The following HERC2 variants were observed in gnomAD, a reference collection of about 807,000 sequenced individuals.
HERC2 encodes HECT and RLD domain containing E3 ubiquitin protein ligase 2.
Under a neutral mutation model 537.7 loss-of-function variants are expected in HERC2, and 102 were observed. The ratio of observed to expected loss-of-function variants is 0.19; its 90% CI spans 0.16 to 0.22. The LOEUF (loss-of-function observed/expected upper bound fraction) is 0.22, where lower values mean the gene tolerates loss of function less well. HERC2 is among the 10% of genes least tolerant of loss of function. HERC2 has a pLI of 1.00. For synonymous variants in HERC2, 2,224 were observed against 2,466.2 expected (o/e 0.90, Z 2.91); for missense variants, 4,236 against 6,198.2 (o/e 0.68, Z 10.63).
At position 28,237,063 on chromosome 15, in the gene HERC2, A is replaced by T. The variant is rs145512084; in HGVS notation, c.3903T>A (p.Pro1301=). 4.6e-4 allele frequency: 735 copies of T among 1,598,384 alleles called. 6 individuals carry two copies. The East Asian group carries it at 0.011, about 23-fold the overall frequency. Residue 1301 remains proline (P), a synonymous_variant, in exon 26 of 93, where the codon CCT becomes CCA. Transcript: ENST00000261609. ...CCAGATTCCTCTCTGTGTCTATCAG[A>T]GGTGAAGAGAGACTCCCCAGATCTG... The part of the protein sequence containing the change: ...TIPDLGSLSS[P]LIDTERNLGL...
intron 9 of HERC2, among the ~76,000 whole-genome samples, chr15:28,271,541 C>A (rs1441953446): frequency 6.6e-6 from 1 of 151,878 alleles, no homozygotes; most frequent in Non-Finnish European, 1.5e-5. Flanking sequence ...TGGTGGTGGG[C>A]GCCTGTAGTC....
In HERC2 at chr15:28,198,516, A is replaced by G; in HGVS notation, c.7886-13T>C. 2.5e-6 allele frequency: 4 copies of G among 1,612,690 alleles called. No homozygotes were observed. Among genetic ancestry groups the G allele is most frequent in the Non-Finnish European group, 3.4e-6 (4 of 1,179,722 alleles). On this transcript the variant is annotated splice_polypyrimidine_tract_variant and intron_variant, in intron 49 of 92. Coordinates refer to ENST00000261609, the MANE Select transcript of HERC2 (RefSeq NM_004667.6). ...GGTGGAGGATAGCCTACAGATGTCA[A>G]TAACAAATCATTATAATCAATATTC...
At chr15:28,213,195 A>G (rs1408822972) in intron 42 of HERC2, among the ~76,000 whole-genome samples, 1 of 119,824 alleles carries the variant, frequency 8.3e-6, no homozygotes, top group African/African-American at 3.4e-5. Context: ...CCTGGGTGAC[A>G]AGAGCAAGAC....
At chr15:28,306,384 A>C (rs2141245789) in intron 2 of HERC2, among the ~76,000 whole-genome samples, 1 of 152,304 alleles carries the variant, frequency 6.6e-6, no homozygotes, top group Non-Finnish European at 1.5e-5. Flanking sequence ...ATTGATTTGG[A>C]TACGGTGAAC....
intron 2 of HERC2, among the ~76,000 whole-genome samples, chr15:28,301,429 A>AT (rs1472373102): frequency 1.3e-5 from 2 of 151,710 alleles, no homozygotes; most frequent in Non-Finnish European, 2.9e-5. Flanking sequence ...AAAAAAAAAA[A>AT]GCAGCTGTTC....
At chr15:28,195,238 T>C (rs1897244635) in intron 52 of HERC2, among the ~76,000 whole-genome samples, 1 of 152,018 alleles carries the variant, frequency 6.6e-6, no homozygotes, top group African/African-American at 2.4e-5. Flanking sequence ...AAAATGTATA[T>C]AACATATGCA....
intron 2 of HERC2, among the ~76,000 whole-genome samples, chr15:28,313,458 G>A (rs1282283261): frequency 2.0e-5 from 3 of 151,502 alleles, no homozygotes; most frequent in African/African-American, 4.8e-5. Context: ...GGGAGCCACC[G>A]CACCCAGCCC....
chr15:28,136,969 T>C (rs1189381922), intron 78 of HERC2, among the ~76,000 whole-genome samples: 2 of 151,882 alleles, frequency 1.3e-5, no homozygotes, highest in Admixed American at 6.6e-5. Context: ...TAAGAAATGA[T>C]AGTAAGCAAA....
Position 28,177,264 on chromosome 15 carries a change from G to A in HERC2, c.9255-137C>T. Reference sequence around the variant, plus strand: ...ACTATCAAAACTTAAAGCAGAACCGGTGAGACCAAAACACAAACAACCGTG... The same window carrying A: ...ACTATCAAAACTTAAAGCAGAACCGATGAGACCAAAACACAAACAACCGTG... On this transcript the variant is annotated intron_variant, in intron 60 of 92. Transcript: ENST00000261609. This position sits in a 1 kb window ranked among gnomAD's most constrained non-coding sequence, Gnocchi z 5.0. 8.2e-7 allele frequency: 1 copy of A among 1,213,248 alleles called. No homozygotes were observed. The highest frequency in any genetic ancestry group is 1.2e-6 in the Non-Finnish European group (1 of 860,824). The allele number at this position is 1,213,248 out of a possible 1,614,324, so 75.2% of individuals were successfully genotyped here. A position where few individuals can be genotyped will look rare whatever the true frequency, so the allele number is the denominator to read the frequency against.
chr15:28,144,128 C>T lies in HERC2; in HGVS notation c.11248G>A (p.Val3750Ile), dbSNP rs796103492. ...GCCAGCGAGGCCGCAAGGCGAGGGA[C>T]GATGCTTCTGTTAGAGGCAAGGTTG... ...RLNLASNRSIVPRLAASLAAC... is the reference protein window; with the variant it reads ...RLNLASNRSIIPRLAASLAAC... The change falls in exon 73 of 93, where the codon GTC becomes ATC. Residue 3750 changes from valine to isoleucine, a missense_variant. Val to Ile is a conservative substitution (Grantham distance 29). Transcript: ENST00000261609. 3.7e-6 allele frequency: 6 copies of T among 1,614,184 alleles called. No individual in the cohort carries two copies. The highest frequency in any genetic ancestry group is 5.1e-6 in the Non-Finnish European group (6 of 1,180,046).
intron 21 of HERC2, 123 bp from the exon 22 acceptor site, chr15:28,247,020 G>GAA: frequency 2.4e-6 from 2 of 837,758 alleles, no homozygotes; most frequent in South Asian, 3.4e-5. Context: ...TTCTCAAACA[G>GAA]AAGCCTGTTA....
chr15:28,208,781 C>T (rs1164090031), intron 44 of HERC2, among the ~76,000 whole-genome samples: 8 of 152,200 alleles, frequency 5.3e-5, no homozygotes, highest in Non-Finnish European at 7.3e-5. Context: ...CCTTCAAAGG[C>T]TGCCCGTCCA....
At chr15:28,175,691 G>A (rs759586689) in intron 63 of HERC2, 35 bp from the exon 64 acceptor site, 10 of 1,609,996 alleles carry the variant, frequency 6.2e-6, no homozygotes, top group Middle Eastern at 1.6e-4. Flanking sequence ...GTTACAATAC[G>A]GTTATGGTCT....
intron 55 of HERC2, among the ~76,000 whole-genome samples, chr15:28,190,011 C>CTTT (rs72036273): frequency 1.2e-3 from 170 of 137,792 alleles, no homozygotes; most frequent in African/African-American, 4.5e-3. Context: ...TTCTTTCTTT[C>CTTT]TTTTTTTTTT....
intron 15 of HERC2, 25 bp downstream of exon 15, chr15:28,262,893 T>A (rs2075453291): frequency 6.2e-6 from 10 of 1,606,502 alleles, no homozygotes; most frequent in Non-Finnish European, 8.5e-6. Context: ...CCTGAAGGGT[T>A]TTAAAAGTTT....
Position 28,280,058 on chromosome 15 carries a change from T to G in HERC2, c.542+10A>C, listed in dbSNP as rs569029189. 8.0e-5 allele frequency: 128 copies of G among 1,601,720 alleles called. 1 individual carries two copies. In the South Asian group the frequency reaches 1.3e-3, roughly 17 times the overall value. ...CTGGCATCAGGATTCTTTCTTCGCT[T>G]TATTGTTACCTTTTTTTGTCCACAG... On this transcript the variant is annotated intron_variant, in intron 5 of 92. Coordinates refer to ENST00000261609, the MANE Select transcript of HERC2 (RefSeq NM_004667.6).
chr15:28,112,820 C>T (rs1218991739), intron 92 of HERC2, among the ~76,000 whole-genome samples: 1 of 152,198 alleles, frequency 6.6e-6, no homozygotes, highest in African/African-American at 2.4e-5. Context: ...AAATCTAGAG[C>T]AGGCTGACAC....
At chr15:28,260,332 A>G (rs902571112) in intron 16 of HERC2, among the ~76,000 whole-genome samples, 22 of 152,240 alleles carry the variant, frequency 1.4e-4, no homozygotes, top group African/African-American at 5.3e-4. Context: ...GATTTTTTAG[A>G]AGCTTCTAAA....
chr15:28,135,299 G>A (rs972924769), intron 79 of HERC2, among the ~76,000 whole-genome samples, 179 bp downstream of exon 79: 36 of 152,096 alleles, frequency 2.4e-4, no homozygotes, highest in African/African-American at 6.0e-4. Context: ...GGAATCATAC[G>A]GGTAAGCCTT....
Sources: allele counts gnomAD v4.1 joint callset (sites outside exome capture counted in the v4.1 genomes callset), GRCh38; gene constraint gnomAD v4.1.1; non-coding constraint Gnocchi (gnomAD v3.1); transcripts MANE v1.5; gene names NCBI Gene and HGNC (gene_info 2026-07-23, HGNC 2026-07-21).